The following AP1B1 variants were observed in gnomAD, a reference collection of about 807,000 sequenced individuals.
AP1B1 encodes the protein adaptor related protein complex 1 subunit beta 1, also known as AP-1 complex subunit beta-1.
In AP1B1, 36 loss-of-function variants were observed where a neutral mutation model predicts 104.3. The ratio of observed to expected loss-of-function variants is 0.35; its 90% CI spans 0.26 to 0.46. The LOEUF is 0.46. Ranked by LOEUF, AP1B1 falls within the 20% of genes least tolerant of loss-of-function variation. AP1B1 has a pLI of 1.00. For synonymous variants in AP1B1, 504 were observed against 517.5 expected, an observed-to-expected ratio of 0.97 and a Z score of 0.35; for missense variants, 901 against 1,247.9, an observed-to-expected ratio of 0.72 and a Z score of 4.19.
chr22:29,349,429 GGGAAACCCA>G, intron 10 of AP1B1, 46 bp from the exon 11 acceptor site: 13 of 1,596,030 alleles, frequency 8.1e-6, no homozygotes, highest in Non-Finnish European at 1.1e-5. Context: ...CAAGGAGAAC[GGGAAACCCA>G]GGGAAGCCAG....
intron 9 of AP1B1, 124 bp downstream of exon 9, chr22:29,351,047 A>C: frequency 2.3e-6 from 2 of 881,364 alleles, no homozygotes; most frequent in Non-Finnish European, 3.6e-6. Flanking sequence ...TGGGGGCTCC[A>C]GTGATGAGCC....
chr22:29,356,766 C>G, intron 5 of AP1B1, 150 bp from the exon 6 acceptor site: 1 of 706,900 alleles, frequency 1.4e-6, no homozygotes, highest in Non-Finnish European at 2.3e-6. Flanking sequence ...GAGACCCACT[C>G]CAAGCACTCA....
At chr22:29,365,651 T>G (rs1261978627) in intron 2 of AP1B1, among the ~76,000 whole-genome samples, 1 of 151,996 alleles carries the variant, frequency 6.6e-6, no homozygotes, top group Non-Finnish European at 1.5e-5. Context: ...CTCGAACTCC[T>G]GGGCTCAAGC....
intron 1 of AP1B1, among the ~76,000 whole-genome samples, chr22:29,368,642 C>T (rs942294922): frequency 6.6e-6 from 1 of 152,030 alleles, no homozygotes; most frequent in Non-Finnish European, 1.5e-5. Context: ...AGTGGCTGGG[C>T]TGGGAGACCA....
Position 29,341,595 on chromosome 22 carries a change from C to T in AP1B1, c.1702G>A (p.Gly568Ser), listed in dbSNP as rs371236685. The change falls in exon 13 of 23, where the codon GGC (glycine) becomes AGC (serine). Residue 568 changes from glycine (G) to serine (S), a missense_variant. Physicochemically the swap from Gly to Ser is moderately conservative, Grantham distance 56. Coordinates refer to ENST00000357586, the MANE Select transcript of AP1B1 (RefSeq NM_001127.4). ...TTATGGTAGACGGAAGCCAGCGTGC[C>T]GATGTAGCAGATAAGCTCGTCTAAC... Reference protein sequence around the residue: ...TLLDELICYIGTLASVYHKPP... With the variant: ...TLLDELICYISTLASVYHKPP... 31 of 1,614,086 alleles carry T rather than the reference C, an allele frequency of 1.9e-5. No individual in the cohort carries two copies. In the African/African-American group the frequency reaches 2.1e-4, roughly 11 times the overall value.
At chr22:29,341,432 G>C in intron 13 of AP1B1, 69 bp downstream of exon 13, 1 of 1,560,868 alleles carries the variant, frequency 6.4e-7, no homozygotes, top group Middle Eastern at 2.1e-4. Flanking sequence ...CGCCAGGCCT[G>C]AGTGCCTGTG....
rs562152846 is a variant in AP1B1 at position 29,380,554 on chromosome 22, T to A, written c.-28+7870A>T. 2.4e-4 allele frequency among the ~76,000 whole-genome samples: 37 copies of A among 152,292 alleles called. 1 individual carries two copies. In the South Asian group the frequency reaches 7.7e-3, roughly 32 times the overall value. On this transcript the variant is annotated intron_variant, in intron 1 of 22. Coordinates refer to ENST00000357586, the MANE Select transcript of AP1B1 (RefSeq NM_001127.4). ...CTGGCTCACCCTGCAGTCTACATCA[T>A]CTAGTTCCTGCCAGCACCATCTTTA...
At chr22:29,338,269 T>G (rs2061666028) in intron 16 of AP1B1, among the ~76,000 whole-genome samples, 1 of 152,178 alleles carries the variant, frequency 6.6e-6, no homozygotes, top group Admixed American at 6.5e-5. Context: ...GGGAAGCCTG[T>G]TCTTTATCTT....
At chr22:29,335,185 C>A (rs1458558380) in intron 16 of AP1B1, among the ~76,000 whole-genome samples, 1 of 152,150 alleles carries the variant, frequency 6.6e-6, no homozygotes, top group African/African-American at 2.4e-5. Context: ...GCTGAGCAAA[C>A]AGGATGAGTT....
At chr22:29,331,983 C>A in intron 17 of AP1B1, 67 bp from the exon 18 acceptor site, 2 of 1,484,512 alleles carry the variant, frequency 1.3e-6, no homozygotes, top group Non-Finnish European at 1.8e-6. Context: ...AGGTGAGCTC[C>A]TCCGACTCGG....
chr22:29,382,513 A>T (rs960888082), intron 1 of AP1B1, among the ~76,000 whole-genome samples: 11 of 152,162 alleles, frequency 7.2e-5, no homozygotes, highest in African/African-American at 2.4e-4. Flanking sequence ...TTATGTCCTA[A>T]TGGGGGAAAG....
chr22:29,345,204 A>AGG (rs2061773399), intron 11 of AP1B1, among the ~76,000 whole-genome samples: 1 of 129,590 alleles, frequency 7.7e-6, no homozygotes. Context: ...GACTACAGGT[A>AGG]TGTGCCACCA....
At position 29,342,329 on chromosome 22, in the gene AP1B1, C is replaced by T; in HGVS notation, c.1492G>A (p.Glu498Lys). Residue 498 changes from glutamate to lysine, a missense_variant, in exon 12 of 23, where the codon GAG (glutamate) becomes AAG (lysine). By Grantham distance (56) the Glu-to-Lys change is moderately conservative. Transcript: ENST00000357586. ...ACCTGCTGCACCAGCTCCTGGGTCT[C>T]TGTTGGCTTCTTTAGAAAGAGTTTC... Reference protein sequence around the residue: ...IVKLFLKKPTETQELVQQVLS... With the variant: ...IVKLFLKKPTKTQELVQQVLS... 1 of 1,614,148 alleles carries T rather than the reference C, an allele frequency of 6.2e-7. No homozygotes were observed. The highest frequency in any genetic ancestry group is 8.5e-7 in the Non-Finnish European group (1 of 1,180,020).
chr22:29,334,531 C>G (rs2061609555), intron 16 of AP1B1, 121 bp from the exon 17 acceptor site: 3 of 1,121,390 alleles, frequency 2.7e-6, no homozygotes, highest in Non-Finnish European at 2.5e-6. Context: ...GATCCAGCAC[C>G]CCCACCTTTA....
chr22:29,330,849 C>A, intron 19 of AP1B1, 140 bp from the exon 20 acceptor site: 1 of 716,768 alleles, frequency 1.4e-6, no homozygotes. Context: ...CACAGCCCTC[C>A]TGCTTCCCTA....
intron 1 of AP1B1, among the ~76,000 whole-genome samples, chr22:29,382,495 C>A (rs1445819030): frequency 6.6e-6 from 1 of 152,136 alleles, no homozygotes; most frequent in African/African-American, 2.4e-5. Context: ...TCCTTCCCTA[C>A]ATGGAGTTTA....
intron 1 of AP1B1, among the ~76,000 whole-genome samples, chr22:29,378,611 G>A (rs1326079769): frequency 7.0e-6 from 1 of 142,042 alleles, no homozygotes; most frequent in East Asian, 2.1e-4. Context: ...TGTAATCCCA[G>A]CACTTTGGGA....
chr22:29,374,474 T>C (rs1019111305), intron 1 of AP1B1, among the ~76,000 whole-genome samples: 1 of 152,180 alleles, frequency 6.6e-6, no homozygotes, highest in Non-Finnish European at 1.5e-5. Context: ...TGACTACAAA[T>C]AGGAGAATGG....
intron 15 of AP1B1, among the ~76,000 whole-genome samples, chr22:29,339,498 G>C (rs1194622610): frequency 6.6e-6 from 1 of 152,052 alleles, no homozygotes; most frequent in Non-Finnish European, 1.5e-5. Flanking sequence ...TGGGACTGAG[G>C]GCTGGCAATC....
Sources: allele counts gnomAD v4.1 joint callset (sites outside exome capture counted in the v4.1 genomes callset), GRCh38; gene constraint gnomAD v4.1.1; transcripts MANE v1.5; gene names NCBI Gene and HGNC (gene_info 2026-07-23, HGNC 2026-07-21).